Variants in TNS1 observed in about 807,000 individuals in gnomAD.
The protein encoded by TNS1 is tensin-1.
TNS1 carries 62 observed loss-of-function variants against 168.6 expected under a neutral mutation model. The observed-to-expected ratio is 0.37, with a 90% CI of 0.30 to 0.45. The LOEUF is 0.45. TNS1 is among the 20% of genes least tolerant of loss of function. The probability of loss-of-function intolerance (pLI) is 1.00; values close to 1 mark genes in which losing one functional copy is unlikely to be tolerated. For missense variants in TNS1, 2,240 were observed against 2,339.4 expected, an observed-to-expected ratio of 0.96 and a Z score of 0.88; for synonymous variants, 934 against 933.2, an observed-to-expected ratio of 1.00 and a Z score of -0.02.
At chr2:217,913,635 C>T (rs1222483268) in intron 4 of TNS1, among the ~76,000 whole-genome samples, 1 of 152,152 alleles carries the variant, frequency 6.6e-6, no homozygotes, top group Non-Finnish European at 1.5e-5. Flanking sequence ...AGCTCTAACA[C>T]CCTGCTTTGG....
rs116373339 is a variant in TNS1 at position 217,881,151 on chromosome 2, G to T, written c.1313-137C>A. ...TGAGGGACTTCTCATTTTCTTGAGC[G>T]TGGTGGGCGGGACCAGTGGCTTAAG... On this transcript the variant is annotated intron_variant, in intron 17 of 32. Transcript: ENST00000682258. 3.1e-3 allele frequency: 1,999 copies of T among 636,210 alleles called. 25 individuals carry two copies. The African/African-American group carries it at 0.031, about 10-fold the overall frequency. 39.4% of individuals were successfully genotyped at this position (636,210 alleles called of 1,614,324 possible). A position where few individuals can be genotyped will look rare whatever the true frequency, so the allele number is the denominator to read the frequency against.
At chr2:217,902,882 G>A (rs957757760) in intron 6 of TNS1, among the ~76,000 whole-genome samples, 24 of 152,162 alleles carry the variant, frequency 1.6e-4, no homozygotes, top group African/African-American at 5.1e-4. Flanking sequence ...TTGGGGGCAC[G>A]TGACCCTTGC....
intron 3 of TNS1, among the ~76,000 whole-genome samples, chr2:217,978,036 C>G (rs1025150331): frequency 6.6e-6 from 1 of 152,140 alleles, no homozygotes; most frequent in South Asian, 2.1e-4. Context: ...TCCCCCACCC[C>G]CTGTTACTCC....
chr2:218,026,382 G>A (rs573917208), intron 1 of TNS1, among the ~76,000 whole-genome samples: 3 of 152,144 alleles, frequency 2.0e-5, no homozygotes, highest in East Asian at 1.9e-4. Flanking sequence ...TGAGGCTCCC[G>A]AGGAGTGGAC....
intron 21 of TNS1, among the ~76,000 whole-genome samples, chr2:217,833,943 T>C (rs138731715): frequency 1.2e-4 from 19 of 152,386 alleles, no homozygotes; most frequent in African/African-American, 3.6e-4. Context: ...ATATTTTTAT[T>C]GACTTATTTG....
intron 31 of TNS1, 52 bp downstream of exon 31, chr2:217,808,551 A>T: frequency 1.3e-6 from 2 of 1,537,362 alleles, no homozygotes; most frequent in Non-Finnish European, 1.8e-6. Context: ...ACCCACACAG[A>T]CGTCAGTGTT....
chr2:217,836,085 G>T lies in TNS1; in HGVS notation c.3134C>A (p.Ser1045Tyr). 1 of 1,614,046 alleles carries T rather than the reference G, an allele frequency of 6.2e-7. No homozygotes were observed. Among genetic ancestry groups the T allele is most frequent in the Non-Finnish European group, 8.5e-7 (1 of 1,179,978 alleles). ...CTCCGGGGAGACACACTGGACAGGG[G>T]AGCGAACCCCAGGGCTACGAGGGGA... ...ATSPRSPGVRSPVQCVSPELA... is the reference protein window; with the variant it reads ...ATSPRSPGVRYPVQCVSPELA... The change falls in exon 20 of 33, where the codon TCC becomes TAC. Residue 1045 changes from serine (S) to tyrosine (Y), a missense_variant. Ser to Tyr is a moderately radical substitution (Grantham distance 144). Around this residue, in one of 2 missense-constraint regions of TNS1, gnomAD observed 2,131 missense variants for 2,171.2 expected, o/e 0.98. Coordinates refer to ENST00000682258, the MANE Select transcript of TNS1 (RefSeq NM_001387777.1).
At chr2:217,937,288 G>C (rs1019578310) in intron 3 of TNS1, 3 of 325,078 alleles carry the variant, frequency 9.2e-6, no homozygotes, top group African/African-American at 2.2e-5. Flanking sequence ...CTTTTAAAGT[G>C]AACAATCCAG....
chr2:217,986,384 C>T lies in TNS1; in HGVS notation c.148+4558G>A, dbSNP rs938554534. On this transcript the variant is annotated intron_variant, in intron 2 of 32. Transcript: ENST00000682258. This position sits in a 1 kb window ranked among gnomAD's most constrained non-coding sequence, Gnocchi z 4.7. ...AAACTGCAGGTGACTGTCCCCCATTCCAGGCTCACCAGAGGCATTGAGAAG... is the reference window on the plus strand; with the variant it reads ...AAACTGCAGGTGACTGTCCCCCATTTCAGGCTCACCAGAGGCATTGAGAAG... Among the ~76,000 whole-genome samples the T allele has an allele frequency of 6.6e-6, 1 of 152,256 alleles. No individual in the cohort carries two copies. Among genetic ancestry groups the T allele is most frequent in the Non-Finnish European group, 1.5e-5 (1 of 68,054 alleles).
At chr2:217,840,700 A>G (rs1672087792) in intron 19 of TNS1, among the ~76,000 whole-genome samples, 1 of 152,354 alleles carries the variant, frequency 6.6e-6, no homozygotes, top group Admixed American at 6.5e-5. Flanking sequence ...CCCCATGCAA[A>G]GCTCAGCCTG....
At chr2:217,804,846 A>C (rs945495630) in intron 32 of TNS1, among the ~76,000 whole-genome samples, 1 of 152,100 alleles carries the variant, frequency 6.6e-6, no homozygotes, top group Non-Finnish European at 1.5e-5. Context: ...TCCCCTTTGA[A>C]GGGGTGCGAG....
At chr2:217,815,158 T>C (rs1178412720) in intron 24 of TNS1, 160 bp from the exon 25 acceptor site, 3 of 629,058 alleles carry the variant, frequency 4.8e-6, no homozygotes, top group Admixed American at 4.7e-5. Context: ...AGGATTAGGG[T>C]GAGCCTTAAT....
At chr2:217,852,236 C>A (rs531129145) in intron 18 of TNS1, among the ~76,000 whole-genome samples, 20 of 152,230 alleles carry the variant, frequency 1.3e-4, no homozygotes, top group African/African-American at 4.3e-4. Context: ...TGGGGTGGTT[C>A]TCTTGAGGAT....
At chr2:217,858,936 T>TCCAACTCCAGCC (rs1189094155) in intron 18 of TNS1, among the ~76,000 whole-genome samples, 1 of 150,690 alleles carries the variant, frequency 6.6e-6, no homozygotes, top group African/African-American at 2.5e-5. Context: ...GCCAGCCCAG[T>TCCAACTCCAGCC]CCAACTCCAG....
At chr2:217,947,618 G>A (rs375241627) in intron 3 of TNS1, among the ~76,000 whole-genome samples, 23 of 152,298 alleles carry the variant, frequency 1.5e-4, no homozygotes, top group African/African-American at 5.3e-4. Context: ...GCCAGGTGCT[G>A]AGTTAGGCAC....
intron 1 of TNS1, among the ~76,000 whole-genome samples, chr2:217,993,318 C>T (rs1958411575): frequency 6.6e-6 from 1 of 152,188 alleles, no homozygotes; most frequent in African/African-American, 2.4e-5. Flanking sequence ...AGCACCTCCC[C>T]ACATTATACT....
chr2:217,921,553 G>A (rs1347358015), intron 3 of TNS1, among the ~76,000 whole-genome samples: 3 of 152,242 alleles, frequency 2.0e-5, no homozygotes, highest in Non-Finnish European at 4.4e-5. Context: ...GTGGGACAGT[G>A]TGCTCCAAGC....
chr2:217,879,037 T>C (rs918669620), intron 18 of TNS1, among the ~76,000 whole-genome samples: 1 of 152,174 alleles, frequency 6.6e-6, no homozygotes, highest in Admixed American at 6.5e-5. Context: ...GTCTGGAGGC[T>C]GAGAAGCTGG....
At chr2:217,859,422 A>G (rs555059981) in intron 18 of TNS1, 1 of 522,074 alleles carries the variant, frequency 1.9e-6, no homozygotes, top group East Asian at 2.9e-5. Context: ...TGGCTTGGAA[A>G]AGGAAAAAGA....
Sources: gnomAD v4.1 joint callset for allele counts (sites outside exome capture counted in the v4.1 genomes callset) on GRCh38, gnomAD v4.1.1 for gene constraint, gnomAD v4.1.1 regional missense constraint, Gnocchi (gnomAD v3.1) non-coding constraint, MANE v1.5 for transcripts, NCBI Gene and HGNC (gene_info 2026-07-23, HGNC 2026-07-21) for gene names.